Variants in GRAMD1B observed in about 807,000 individuals in gnomAD.
GRAMD1B encodes the protein GRAM domain containing 1B.
In GRAMD1B, 37 loss-of-function variants were observed where a neutral mutation model predicts 99.7. The ratio of observed to expected loss-of-function variants is 0.37; its 90% CI spans 0.29 to 0.49. The LOEUF is 0.49. GRAMD1B is among the 20% of genes least tolerant of loss of function. The probability of loss-of-function intolerance (pLI) is 0.98; values close to 1 mark genes in which losing one functional copy is unlikely to be tolerated. For synonymous variants in GRAMD1B, 427 were observed against 387.6 expected (o/e 1.10, Z -1.19); for missense variants, 888 against 1,009.2 (o/e 0.88, Z 1.63).
chr11:123,473,946 C>G (rs1308232484), intron 1 of GRAMD1B, among the ~76,000 whole-genome samples: 1 of 152,214 alleles, frequency 6.6e-6, no homozygotes, highest in Non-Finnish European at 1.5e-5. Context: ...CCCCATACAC[C>G]TTTCCTACTT....
At chr11:123,530,221 C>T (rs998907803) in intron 2 of GRAMD1B, among the ~76,000 whole-genome samples, 12 of 148,628 alleles carry the variant, frequency 8.1e-5, no homozygotes, top group East Asian at 7.9e-4. Context: ...TTCTACTTCT[C>T]CATATTTCAT....
chr11:123,616,010 T>G (rs1954325467), intron 17 of GRAMD1B, among the ~76,000 whole-genome samples: 1 of 152,166 alleles, frequency 6.6e-6, no homozygotes, highest in Non-Finnish European at 1.5e-5. Context: ...AACGAAGATA[T>G]TTTTACAAAA....
intron 1 of GRAMD1B, among the ~76,000 whole-genome samples, chr11:123,403,705 A>G (rs1947754759): frequency 6.6e-6 from 1 of 151,446 alleles, no homozygotes; most frequent in Admixed American, 6.6e-5. Context: ...AACCACGCTC[A>G]GCTAATTTTT....
At chr11:123,479,274 C>A (rs1276016506) in intron 1 of GRAMD1B, among the ~76,000 whole-genome samples, 1 of 152,132 alleles carries the variant, frequency 6.6e-6, no homozygotes, top group Non-Finnish European at 1.5e-5. Flanking sequence ...CCTTTCAGGT[C>A]ATTTACTTCT....
chr11:123,571,760 C>T (rs1948126369), intron 2 of GRAMD1B, among the ~76,000 whole-genome samples: 1 of 152,094 alleles, frequency 6.6e-6, no homozygotes, highest in Admixed American at 6.5e-5. Context: ...TGTCAATGTT[C>T]CATATATCCC....
intron 2 of GRAMD1B, among the ~76,000 whole-genome samples, chr11:123,517,644 AC>A (rs1941799539): frequency 2.0e-5 from 3 of 146,632 alleles, no homozygotes; most frequent in Middle Eastern, 3.6e-3. Context: ...AATACACACC[AC>A]CGGGGGTGGT....
chr11:123,593,066 T>C (rs1329269841), intron 4 of GRAMD1B, among the ~76,000 whole-genome samples: 1 of 152,076 alleles, frequency 6.6e-6, no homozygotes, highest in East Asian at 1.9e-4. Flanking sequence ...ACCCCATCTC[T>C]AGTAAAAATA....
At chr11:123,588,094 G>A (rs533012363) in intron 4 of GRAMD1B, among the ~76,000 whole-genome samples, 16 of 143,074 alleles carry the variant, frequency 1.1e-4, no homozygotes, top group Non-Finnish European at 2.3e-4. Context: ...CTCGTCTCCC[G>A]TCCCACTCTG....
At chr11:123,440,926 A>G (rs1381422785) in intron 1 of GRAMD1B, among the ~76,000 whole-genome samples, 1 of 152,154 alleles carries the variant, frequency 6.6e-6, no homozygotes, top group East Asian at 1.9e-4. Context: ...GATAGTGAAT[A>G]AGTCTCATGA....
chr11:123,598,764 G>C (rs1030747898), intron 7 of GRAMD1B: 1 of 919,778 alleles, frequency 1.1e-6, no homozygotes, highest in Non-Finnish European at 1.8e-6. Flanking sequence ...TGTCTCTTTC[G>C]GCCATCCAGG....
intron 2 of GRAMD1B, among the ~76,000 whole-genome samples, chr11:123,507,787 A>AAAGGG (rs1227060128): frequency 3.3e-5 from 5 of 152,204 alleles, no homozygotes; most frequent in Non-Finnish European, 7.3e-5. Flanking sequence ...AAAAGGCCTC[A>AAAGGG]AAGGGAAGTG....
intron 1 of GRAMD1B, among the ~76,000 whole-genome samples, chr11:123,449,714 C>CTTTGTTTTTTTTTTTTTTTTTTTTTT (rs1949797273): frequency 1.0e-5 from 1 of 99,988 alleles, no homozygotes; most frequent in Non-Finnish European, 2.1e-5. Context: ...CCATGCCTGG[C>CTTTGTTTTTTTTTTTTTTTTTTTTTT]TTTTTTTTTT....
intron 2 of GRAMD1B, among the ~76,000 whole-genome samples, chr11:123,536,725 G>A (rs1024344962): frequency 3.1e-4 from 47 of 152,248 alleles, no homozygotes; most frequent in African/African-American, 1.0e-3. Context: ...GCCTTTCTCA[G>A]GACACAAGGT....
At chr11:123,468,879 T>C (rs139240847) in intron 1 of GRAMD1B, among the ~76,000 whole-genome samples, 51 of 152,058 alleles carry the variant, frequency 3.4e-4, no homozygotes, top group African/African-American at 1.2e-3. Context: ...TTACTACTTT[T>C]GAAGAATAAT....
chr11:123,406,535 AG>A (rs1327082556), intron 1 of GRAMD1B, among the ~76,000 whole-genome samples: 4 of 152,210 alleles, frequency 2.6e-5, no homozygotes, highest in African/African-American at 7.2e-5. Context: ...TACAGGTGTG[AG>A]CCACTCTGCC....
Position 123,522,519 on chromosome 11 carries a change from A to G in GRAMD1B, c.452+41626A>G, listed in dbSNP as rs192885316. Among the ~76,000 whole-genome samples, 808 of 152,156 alleles carry G rather than the reference A, an allele frequency of 5.3e-3. 3 individuals carry two copies. The highest frequency in any genetic ancestry group is 0.01 in the Middle Eastern group (3 of 294). On this transcript the variant is annotated intron_variant, in intron 2 of 19. Coordinates refer to ENST00000635736, the MANE Select transcript of GRAMD1B (RefSeq NM_001387025.1). ...TTTTTAATAGAGACAGGCTTTCACC[A>G]TGTTGGCAAGGCTGGTTTCGAACTC...
exon 1 of GRAMD1B, chr11:123,358,437 C>G (rs948122999): frequency 6.6e-6 from 1 of 152,180 alleles, no homozygotes; most frequent in Admixed American, 6.5e-5. Context: ...GACACCTAGC[C>G]TCGGAGACAG....
chr11:123,614,353 ACT>A (rs1310327470), intron 16 of GRAMD1B, among the ~76,000 whole-genome samples: 3 of 152,158 alleles, frequency 2.0e-5, no homozygotes, highest in Non-Finnish European at 4.4e-5. Context: ...GAGTAAACTG[ACT>A]CTCAGAGAGC....
intron 19 of GRAMD1B, among the ~76,000 whole-genome samples, chr11:123,622,052 G>T (rs1955204143): frequency 7.1e-6 from 1 of 140,400 alleles, no homozygotes; most frequent in Admixed American, 7.5e-5. Flanking sequence ...GCAGGGTCTT[G>T]CTCTGTTGCC....
Sources: gnomAD v4.1 joint callset for allele counts (sites outside exome capture counted in the v4.1 genomes callset) on GRCh38, gnomAD v4.1.1 for gene constraint, MANE v1.5 for transcripts, NCBI Gene and HGNC (gene_info 2026-07-23, HGNC 2026-07-21) for gene names.